Variants in GIT2 observed in about 807,000 individuals in gnomAD.
GIT2 encodes GIT ArfGAP 2, also known as ARF GTPase-activating protein GIT2.
GIT2 carries 32 observed loss-of-function variants against 100.3 expected under a neutral mutation model. The ratio of observed to expected loss-of-function variants is 0.32; its 90% CI spans 0.24 to 0.43. The LOEUF (loss-of-function observed/expected upper bound fraction) is 0.43, where lower values mean the gene tolerates loss of function less well. Among genes scored for constraint, GIT2 ranks in the 20% least tolerant of loss-of-function variants. The pLI is 1.00. For missense variants in GIT2, 737 were observed against 975.1 expected, an observed-to-expected ratio of 0.76 and a Z score of 3.25; for synonymous variants, 353 against 364.1, an observed-to-expected ratio of 0.97 and a Z score of 0.35.
chr12:109,958,054 C>G (rs975571196), intron 12 of GIT2, among the ~76,000 whole-genome samples: 6 of 151,930 alleles, frequency 3.9e-5, no homozygotes, highest in African/African-American at 1.5e-4. Flanking sequence ...ACGCCATTCT[C>G]CTGCCTCAGC....
chr12:109,964,137 T>G (rs768036788), intron 9 of GIT2, among the ~76,000 whole-genome samples: 26 of 152,334 alleles, frequency 1.7e-4, no homozygotes, highest in Admixed American at 3.3e-4. Flanking sequence ...TAATAAAATT[T>G]ACTTACAGAT....
chr12:109,936,114 A>G (rs1872886465), intron 18 of GIT2, among the ~76,000 whole-genome samples: 1 of 152,188 alleles, frequency 6.6e-6, no homozygotes, highest in South Asian at 2.1e-4. Context: ...TTTAATTCGT[A>G]CAATTCAAGA....
intron 4 of GIT2, 55 bp downstream of exon 4, chr12:109,988,908 A>C: frequency 1.0e-6 from 1 of 990,064 alleles, no homozygotes; most frequent in Non-Finnish European, 1.5e-6. Context: ...TTTTCAAATA[A>C]AACAATATGC....
intron 4 of GIT2, among the ~76,000 whole-genome samples, chr12:109,985,756 G>C (rs1454383179): frequency 6.6e-6 from 1 of 152,126 alleles, no homozygotes; most frequent in Non-Finnish European, 1.5e-5. Flanking sequence ...AGGAGGCTGA[G>C]GCGGGTGAAT....
At chr12:109,965,651 C>G (rs1287873139) in intron 8 of GIT2, 74 bp from the exon 9 acceptor site, 1 of 948,108 alleles carries the variant, frequency 1.1e-6, no homozygotes, top group African/African-American at 1.6e-5. Context: ...TTAAGACACC[C>G]AAGAGATAAA....
chr12:109,973,313 GT>G (rs1253650627), intron 7 of GIT2, among the ~76,000 whole-genome samples: 1 of 151,806 alleles, frequency 6.6e-6, no homozygotes, highest in Non-Finnish European at 1.5e-5. Flanking sequence ...GCTAATTTTT[GT>G]ATTTTTAGTA....
chr12:109,969,162 C>CTTT lies in GIT2; in HGVS notation c.719-1662_719-1660dup, dbSNP rs71079595. Among the ~76,000 whole-genome samples, 94 of 89,096 alleles carry CTTT rather than the reference C, an allele frequency of 1.1e-3. 1 individual carries two copies. Among genetic ancestry groups the CTTT allele is most frequent in the African/African-American group, 3.3e-3 (70 of 21,192 alleles). The allele number at this position is 89,096 out of a possible 152,430, so 58.5% of individuals were successfully genotyped here. A position where few individuals can be genotyped will look rare whatever the true frequency, so the allele number is the denominator to read the frequency against. ...TAGTTTTCTCAGAACAAAACTTTTC[C>CTTT]TTTTTTTTTTTTTTTTTTTTTTGAG... On this transcript the variant is annotated intron_variant, in intron 7 of 19. Transcript: ENST00000355312.
At chr12:109,976,275 A>G (rs1885018007) in intron 7 of GIT2, among the ~76,000 whole-genome samples, 1 of 149,698 alleles carries the variant, frequency 6.7e-6, no homozygotes, top group Admixed American at 6.7e-5. Flanking sequence ...TGAAAACCCT[A>G]CTAGATAATT....
chr12:109,991,038 G>A (rs770411479), intron 2 of GIT2, among the ~76,000 whole-genome samples: 2 of 152,132 alleles, frequency 1.3e-5, no homozygotes, highest in Admixed American at 6.6e-5. Context: ...GGCCGGGCGC[G>A]GTGGCTCACG....
At chr12:109,995,213 T>G (rs1889122565) in intron 1 of GIT2, among the ~76,000 whole-genome samples, 1 of 152,178 alleles carries the variant, frequency 6.6e-6, no homozygotes, top group Admixed American at 6.5e-5. Flanking sequence ...TCAGTTGCAA[T>G]TGCTAAGACA....
chr12:109,991,047 C>A (rs557631558), intron 2 of GIT2, among the ~76,000 whole-genome samples: 1 of 152,202 alleles, frequency 6.6e-6, no homozygotes, highest in Non-Finnish European at 1.5e-5. Flanking sequence ...CGGTGGCTCA[C>A]GCCTGCAATC....
At chr12:109,961,503 C>T (rs1881086986) in intron 10 of GIT2, 110 bp downstream of exon 10, 1 of 929,812 alleles carries the variant, frequency 1.1e-6, no homozygotes, top group Non-Finnish European at 1.8e-6. Flanking sequence ...CAAACGTCGA[C>T]ACTCGCACCA....
At position 109,983,590 on chromosome 12, in the gene GIT2, C is replaced by G. The variant is rs1366454474; in HGVS notation, c.492+18G>C. The G allele has an allele frequency of 6.3e-7, 1 of 1,596,966 alleles. No individual in the cohort carries two copies. The highest frequency in any genetic ancestry group is 2.2e-5 in the East Asian group (1 of 44,800). On this transcript the variant is annotated intron_variant, in intron 5 of 19. Transcript: ENST00000355312. Reference sequence around the variant, plus strand: ...ACTCACTTAGTTTCAATATCTGAAGCAATTCATGTTTTCTTACAGGATGAA... The same window carrying G: ...ACTCACTTAGTTTCAATATCTGAAGGAATTCATGTTTTCTTACAGGATGAA...
At chr12:109,967,867 T>C (rs1237989407) in intron 7 of GIT2, among the ~76,000 whole-genome samples, 2 of 152,162 alleles carry the variant, frequency 1.3e-5, no homozygotes, top group South Asian at 2.1e-4. Flanking sequence ...GGATGAGCTC[T>C]AGGTCTTGCT....
At chr12:109,938,729 C>T (rs912081085) in intron 17 of GIT2, 161 bp from the exon 18 acceptor site, 33 of 556,758 alleles carry the variant, frequency 5.9e-5, no homozygotes, top group South Asian at 7.9e-5. Context: ...GCTCTAAAAT[C>T]GGCTATTTCA....
At chr12:109,971,586 A>G (rs1883883990) in intron 7 of GIT2, among the ~76,000 whole-genome samples, 1 of 151,772 alleles carries the variant, frequency 6.6e-6, no homozygotes, top group African/African-American at 2.4e-5. Context: ...TGCCTCCCAA[A>G]GTGCTGGGAT....
At chr12:109,938,607 T>G in intron 17 of GIT2, 39 bp from the exon 18 acceptor site, 1 of 1,466,640 alleles carries the variant, frequency 6.8e-7, no homozygotes, top group Non-Finnish European at 9.2e-7. Context: ...CAGCAGGTGC[T>G]TATCAGCTGC....
chr12:109,935,947 C>A (rs543944791), intron 18 of GIT2, among the ~76,000 whole-genome samples: 2 of 152,112 alleles, frequency 1.3e-5, no homozygotes, highest in Admixed American at 1.3e-4. Context: ...AAAAGGTTTT[C>A]GTGCATAATA....
chr12:109,966,760 T>C (rs1047822731), intron 8 of GIT2, among the ~76,000 whole-genome samples: 3 of 152,142 alleles, frequency 2.0e-5, no homozygotes, highest in Admixed American at 2.0e-4. Flanking sequence ...TCTTGACAGT[T>C]TCCGTGCAAA....
Sources: allele counts gnomAD v4.1 joint callset (sites outside exome capture counted in the v4.1 genomes callset), GRCh38; gene constraint gnomAD v4.1.1; transcripts MANE v1.5; gene names NCBI Gene and HGNC (gene_info 2026-07-23, HGNC 2026-07-21).